DGKH: variants seen among roughly 807,000 people sequenced by gnomAD.
DGKH encodes the protein DAG kinase eta.
DGKH carries 90 observed loss-of-function variants against 159.3 expected under a neutral mutation model. The observed-to-expected ratio is 0.57, with a 90% CI of 0.48 to 0.67. The LOEUF is 0.67. Among genes scored for constraint, DGKH ranks in the 30% least tolerant of loss-of-function variants. The probability of loss-of-function intolerance (pLI) is 0.00; values close to 1 mark genes in which losing one functional copy is unlikely to be tolerated. For missense variants in DGKH, 1,181 were observed against 1,506.1 expected, an observed-to-expected ratio of 0.78 and a Z score of 3.57; for synonymous variants, 536 against 553.8, an observed-to-expected ratio of 0.97 and a Z score of 0.45.
intron 11 of DGKH, 134 bp downstream of exon 11, chr13:42,168,952 T>C: frequency 1.0e-6 from 1 of 975,482 alleles, no homozygotes; most frequent in African/African-American, 1.6e-5. Context: ...CTTCCTGATC[T>C]TGTCCACTGG....
intron 28 of DGKH, 81 bp from the exon 29 acceptor site, chr13:42,221,183 T>C: frequency 1.9e-6 from 3 of 1,558,620 alleles, no homozygotes; most frequent in Non-Finnish European, 2.6e-6. Context: ...CACTCTGTTT[T>C]GCATCTTCTT....
intron 29 of DGKH, among the ~76,000 whole-genome samples, chr13:42,222,434 G>A (rs1237891237): frequency 3.3e-5 from 5 of 152,052 alleles, no homozygotes; most frequent in Non-Finnish European, 7.4e-5. Context: ...CACATCAAAA[G>A]ATGACACCAC....
intron 30 of DGKH, among the ~76,000 whole-genome samples, chr13:42,252,782 C>T (rs1000871479): frequency 6.6e-6 from 1 of 151,208 alleles, no homozygotes; most frequent in Admixed American, 6.6e-5. Context: ...GAGTCTTGAT[C>T]TGTCACCCAG....
intron 13 of DGKH, among the ~76,000 whole-genome samples, chr13:42,181,276 C>CAA (rs34220072): frequency 0.18 from 14,691 of 81,104 alleles, 2,292 homozygotes; most frequent in Non-Finnish European, 0.27. Flanking sequence ...GACTCTGTCT[C>CAA]AAAAAAAAAA....
intron 1 of DGKH, among the ~76,000 whole-genome samples, chr13:42,075,216 G>C (rs940112162): frequency 1.3e-5 from 2 of 152,096 alleles, no homozygotes; most frequent in Non-Finnish European, 2.9e-5. Flanking sequence ...AAATTCATGT[G>C]TACATTTTCT....
At chr13:42,130,319 C>T (rs1955263013) in intron 3 of DGKH, among the ~76,000 whole-genome samples, 1 of 152,324 alleles carries the variant, frequency 6.6e-6, no homozygotes, top group South Asian at 2.1e-4. Flanking sequence ...CCATCTGTCA[C>T]GGTGGGAATC....
intron 3 of DGKH, among the ~76,000 whole-genome samples, chr13:42,140,001 T>C (rs1955502311): frequency 6.6e-6 from 1 of 152,198 alleles, no homozygotes; most frequent in Admixed American, 6.6e-5. Context: ...AATTACAATC[T>C]TCTTAGAACT....
intron 1 of DGKH, chr13:42,070,863 A>C (rs1387734218): frequency 4.8e-5 from 62 of 1,301,792 alleles, no homozygotes; most frequent in Non-Finnish European, 6.9e-5. Context: ...ACACTTTCAC[A>C]ATGTTATCAT....
At chr13:42,186,997 G>T in intron 13 of DGKH, 52 bp from the exon 14 acceptor site, 1 of 1,461,404 alleles carries the variant, frequency 6.8e-7, no homozygotes, top group South Asian at 1.2e-5. Context: ...CATAAATCAA[G>T]GCAAATTAAT....
chr13:42,126,616 C>T (rs1183020020), intron 1 of DGKH, among the ~76,000 whole-genome samples: 1 of 152,232 alleles, frequency 6.6e-6, no homozygotes, highest in African/African-American at 2.4e-5. Flanking sequence ...CCCTGCCTAC[C>T]TCTTACAGCT....
chr13:42,144,404 G>T (rs891708749), intron 3 of DGKH, among the ~76,000 whole-genome samples: 1 of 152,054 alleles, frequency 6.6e-6, no homozygotes, highest in Non-Finnish European at 1.5e-5. Context: ...GGGGTTCAGT[G>T]GGCCAGACCC....
Position 42,238,990 on chromosome 13 carries a change from A to G in DGKH, c.*9802A>G, listed in dbSNP as rs1958469819. 1 of 152,104 alleles carries G rather than the reference A, an allele frequency of 6.6e-6. No individual in the cohort carries two copies. The highest frequency in any genetic ancestry group is 1.5e-5 in the Non-Finnish European group (1 of 67,990). The allele number at this position is 152,104 out of a possible 1,614,324, so 9.4% of individuals were successfully genotyped here. A position where few individuals can be genotyped will look rare whatever the true frequency, so the allele number is the denominator to read the frequency against. On this transcript the variant is annotated 3_prime_UTR_variant, in exon 30 of 30. Transcript: ENST00000337343. ...TGGAATGCCATATGATACAGGGAAA[A>G]GATTGGAGTTCATCACCGTGGAATT...
chr13:42,077,386 G>C (rs769837082), intron 1 of DGKH, among the ~76,000 whole-genome samples: 2 of 152,114 alleles, frequency 1.3e-5, no homozygotes, highest in African/African-American at 2.4e-5. Context: ...CATCATTAGA[G>C]AAAGTCTGGT....
rs1956950727 is a variant in DGKH at position 42,187,102 on chromosome 13, A to G, written c.1592A>G (p.Asp531Gly). The G allele has an allele frequency of 1.9e-6, 3 of 1,614,164 alleles. No individual in the cohort carries two copies. The highest frequency in any genetic ancestry group is 1.7e-6 in the Non-Finnish European group (2 of 1,180,008). ...DFVAKVEKTY[D>G]KTLENAVVAD... ...GTTGCCAAAGTAGAAAAGACGTATG[A>G]CAAAACCTTGGAAAATGCCGTTGTA... The change falls in exon 14 of 30, where the codon GAC (aspartate) becomes GGC (glycine). Residue 531 changes from aspartate to glycine, a missense_variant. By Grantham distance (94) the Asp-to-Gly change is moderately conservative. Transcript: ENST00000337343.
chr13:42,190,447 T>A lies in DGKH; in HGVS notation c.1957T>A (p.Ser653Thr). ...TCACCCCTGTGAACCAGCTAATCAG[T>A]CCTCTGATTATGACAGCACAGAAAC... ...TVHPCEPANQ[S>T]SDYDSTETDE... The change falls in exon 16 of 30, where the codon TCC becomes ACC. Residue 653 changes from serine to threonine, a missense_variant. Coordinates refer to ENST00000337343, the MANE Select transcript of DGKH (RefSeq NM_178009.5). The A allele has an allele frequency of 6.2e-7, 1 of 1,610,848 alleles. No homozygotes were observed. Among genetic ancestry groups the A allele is most frequent in the Non-Finnish European group, 8.5e-7 (1 of 1,178,450 alleles).
chr13:42,256,411 G>C, exon 31 of DGKH: 1 of 1,579,992 alleles, frequency 6.3e-7, no homozygotes, highest in South Asian at 1.1e-5. Context: ...AGGCAGCAAA[G>C]ATTGCTAAGA....
rs1958460802 is a variant in DGKH at position 42,238,477 on chromosome 13, A to G, written c.*9289A>G. 1 of 152,154 alleles carries G rather than the reference A, an allele frequency of 6.6e-6. No individual in the cohort carries two copies. Among genetic ancestry groups the G allele is most frequent in the Non-Finnish European group, 1.5e-5 (1 of 68,000 alleles). The allele number at this position is 152,154 out of a possible 1,614,324, so 9.4% of individuals were successfully genotyped here. ...CCAAATGACAATTTTATAGATGTGA[A>G]TATATGTTTTTTAAAGTTAAGTCCT... On this transcript the variant is annotated 3_prime_UTR_variant, in exon 30 of 30. Transcript: ENST00000337343.
chr13:42,061,861 T>C (rs1242937030), intron 1 of DGKH, among the ~76,000 whole-genome samples: 1 of 152,232 alleles, frequency 6.6e-6, no homozygotes, highest in Non-Finnish European at 1.5e-5. Flanking sequence ...ATAGAGCTTA[T>C]AGTCTATCAA....
chr13:42,253,480 A>G (rs1343303992), intron 30 of DGKH, among the ~76,000 whole-genome samples: 1 of 152,238 alleles, frequency 6.6e-6, no homozygotes, highest in Non-Finnish European at 1.5e-5. Context: ...TTATTTTATA[A>G]AAGAAATATT....
Sources: allele counts gnomAD v4.1 joint callset (sites outside exome capture counted in the v4.1 genomes callset), GRCh38; gene constraint gnomAD v4.1.1; transcripts MANE v1.5; gene names NCBI Gene and HGNC (gene_info 2026-07-23, HGNC 2026-07-21).